Variants in SMAD3 observed in about 807,000 individuals in gnomAD.
SMAD3 encodes the protein MAD homolog 3.
SMAD3 carries 12 observed loss-of-function variants against 51.8 expected under a neutral mutation model. The observed-to-expected ratio is 0.23, with a 90% CI of 0.15 to 0.38. The LOEUF is 0.38. Ranked by LOEUF, SMAD3 falls within the 10% of genes least tolerant of loss-of-function variation. The pLI is 1.00. For synonymous variants in SMAD3, 238 were observed against 227.7 expected (o/e 1.05, Z -0.41); for missense variants, 294 against 565.6 (o/e 0.52, Z 4.87).
chr15:67,107,019 G>A (rs1050479384), intron 1 of SMAD3, among the ~76,000 whole-genome samples: 8 of 152,034 alleles, frequency 5.3e-5, no homozygotes, highest in South Asian at 2.1e-4. Context: ...ACAGGGCCCC[G>A]TCTGCACGAC....
chr15:67,151,493 C>T (rs1400963139), intron 1 of SMAD3, among the ~76,000 whole-genome samples: 2 of 151,988 alleles, frequency 1.3e-5, no homozygotes, highest in East Asian at 1.9e-4. Context: ...CCACCATGCC[C>T]GGCTAATTTT....
chr15:67,143,527 C>T (rs190348250), intron 1 of SMAD3, among the ~76,000 whole-genome samples: 5 of 152,232 alleles, frequency 3.3e-5, no homozygotes, highest in Admixed American at 3.3e-4. Context: ...CTCCGCCTCC[C>T]AGGTTCAAGT....
intron 1 of SMAD3, among the ~76,000 whole-genome samples, chr15:67,076,762 A>C (rs145820933): frequency 7.5e-4 from 114 of 152,328 alleles, no homozygotes; most frequent in Admixed American, 2.0e-3. Context: ...TGACCCTTCC[A>C]GTTCCCTGCA....
At chr15:67,082,522 T>C (rs1470465822) in intron 1 of SMAD3, among the ~76,000 whole-genome samples, 1 of 152,264 alleles carries the variant, frequency 6.6e-6, no homozygotes, top group African/African-American at 2.4e-5. Flanking sequence ...AATTGCATGT[T>C]TAGTATCTTT....
intron 1 of SMAD3, among the ~76,000 whole-genome samples, chr15:67,076,235 G>A (rs1222123641): frequency 2.0e-5 from 3 of 152,140 alleles, no homozygotes; most frequent in African/African-American, 7.2e-5. Flanking sequence ...TTCTTAGGCG[G>A]TTCTGCCCTC....
At chr15:67,075,083 G>T (rs557109746) in intron 1 of SMAD3, among the ~76,000 whole-genome samples, 1 of 151,812 alleles carries the variant, frequency 6.6e-6, no homozygotes, top group Non-Finnish European at 1.5e-5. Flanking sequence ...TTTTTTAAAG[G>T]TCTGTTTTTA....
At chr15:67,073,998 A>G (rs142252041) in intron 1 of SMAD3, among the ~76,000 whole-genome samples, 2 of 152,344 alleles carry the variant, frequency 1.3e-5, no homozygotes, top group African/African-American at 2.4e-5. Context: ...AAAAGCTCCC[A>G]GTTGCACGCA....
chr15:67,184,813 T>A lies in SMAD3; in HGVS notation c.958T>A (p.Cys320Ser), dbSNP rs1963178491. The change falls in exon 7 of 9, where the codon TGT (cysteine) becomes AGT (serine). Residue 320 changes from cysteine (C) to serine (S), a missense_variant. Cys to Ser is a moderately radical substitution (Grantham distance 112). Coordinates refer to ENST00000327367, the MANE Select transcript of SMAD3 (RefSeq NM_005902.4). ...CGCTATTTTTGTCCAGTCTCCCAAC[T>A]GTAACCAGCGCTATGGCTGGCACCC... is the stretch of plus-strand genomic sequence containing the variant. ...DSAIFVQSPN[C>S]NQRYGWHPAT... 1 of 1,613,626 alleles carries A rather than the reference T, an allele frequency of 6.2e-7. No individual in the cohort carries two copies. Among genetic ancestry groups the A allele is most frequent in the African/African-American group, 1.3e-5 (1 of 74,926 alleles).
intron 1 of SMAD3, among the ~76,000 whole-genome samples, chr15:67,077,553 A>C (rs1359173418): frequency 6.6e-6 from 1 of 152,226 alleles, no homozygotes; most frequent in Non-Finnish European, 1.5e-5. Flanking sequence ...CTCAGAGGCA[A>C]AAAAGGGACA....
rs138070779 is a variant in SMAD3 at position 67,083,625 on chromosome 15, C to T, written c.206+17265C>T. Among the ~76,000 whole-genome samples, 295 of 152,316 alleles carry T rather than the reference C, an allele frequency of 1.9e-3. 3 individuals carry two copies. Among genetic ancestry groups the T allele is most frequent in the African/African-American group, 6.8e-3 (282 of 41,552 alleles). On this transcript the variant is annotated intron_variant, in intron 1 of 8. Coordinates refer to ENST00000327367, the MANE Select transcript of SMAD3 (RefSeq NM_005902.4). ...TTGCAGTTCAAACTACTTCTGCTCT[C>T]CCTGGGTTTCGTGTGCTTTCAATGT...
At chr15:67,130,521 G>C (rs1961499364) in intron 1 of SMAD3, among the ~76,000 whole-genome samples, 2 of 152,208 alleles carry the variant, frequency 1.3e-5, no homozygotes, top group African/African-American at 2.4e-5. Flanking sequence ...GAGGGATCTA[G>C]GTTGCACACT....
At chr15:67,088,737 A>G (rs1960448557) in intron 1 of SMAD3, among the ~76,000 whole-genome samples, 1 of 152,104 alleles carries the variant, frequency 6.6e-6, no homozygotes, top group Admixed American at 6.5e-5. Context: ...GACCAGCCCG[A>G]CCAATATGGT....
At chr15:67,179,486 T>C (rs1962993982) in intron 5 of SMAD3, among the ~76,000 whole-genome samples, 1 of 149,994 alleles carries the variant, frequency 6.7e-6, no homozygotes, top group South Asian at 2.2e-4. Flanking sequence ...TTGAAAAACC[T>C]GACCTAGGGT....
intron 1 of SMAD3, chr15:67,142,814 AGGGCCCTGTG>A (rs1236382021): frequency 2.2e-6 from 1 of 451,682 alleles, no homozygotes; most frequent in Non-Finnish European, 4.5e-6. Context: ...GTTTGTGATA[AGGGCCCTGTG>A]GGGCAGCTGG....
In SMAD3 at chr15:67,193,391, C is replaced by G. The variant is rs1963415170; in HGVS notation, c.*2855C>G. On this transcript the variant is annotated 3_prime_UTR_variant, in exon 9 of 9. Coordinates refer to ENST00000327367, the MANE Select transcript of SMAD3 (RefSeq NM_005902.4). ...GCACTGGGACACAGATCCTTGTCTTCAGCACCTTCCAAGGAGCCAACTTTT... is the reference window on the plus strand; with the variant it reads ...GCACTGGGACACAGATCCTTGTCTTGAGCACCTTCCAAGGAGCCAACTTTT... 4.3e-6 allele frequency: 1 copy of G among 233,578 alleles called. No homozygotes were observed. Among genetic ancestry groups the G allele is most frequent in the Non-Finnish European group, 8.5e-6 (1 of 118,064 alleles). 14.5% of individuals were successfully genotyped at this position (233,578 alleles called of 1,614,324 possible). A position where few individuals can be genotyped will look rare whatever the true frequency, so the allele number is the denominator to read the frequency against.
intron 1 of SMAD3, among the ~76,000 whole-genome samples, chr15:67,133,220 T>C (rs2140255074): frequency 6.6e-6 from 1 of 152,140 alleles, no homozygotes; most frequent in Non-Finnish European, 1.5e-5. Context: ...CTCAATGACA[T>C]TGGCTGAACT....
intron 1 of SMAD3, among the ~76,000 whole-genome samples, chr15:67,138,959 C>T (rs1442902510): frequency 1.3e-5 from 2 of 152,176 alleles, no homozygotes; most frequent in South Asian, 2.1e-4. Context: ...ATTCCCAGCC[C>T]ACTTCAAAGC....
chr15:67,186,386 G>C (rs1386872732), intron 7 of SMAD3, among the ~76,000 whole-genome samples: 1 of 152,200 alleles, frequency 6.6e-6, no homozygotes, highest in African/African-American at 2.4e-5. Context: ...GTTGGCTGTG[G>C]TGTTGTTTGT....
At chr15:67,066,818 A>G (rs1959933212) in intron 1 of SMAD3, among the ~76,000 whole-genome samples, 2 of 152,260 alleles carry the variant, frequency 1.3e-5, no homozygotes, top group South Asian at 2.1e-4. Flanking sequence ...GGGTCTCCCC[A>G]CTTTCCTCTA....
Sources: gnomAD v4.1 joint callset for allele counts (sites outside exome capture counted in the v4.1 genomes callset) on GRCh38, gnomAD v4.1.1 for gene constraint, MANE v1.5 for transcripts, NCBI Gene and HGNC (gene_info 2026-07-23, HGNC 2026-07-21) for gene names.